MICAL2: variants seen among roughly 807,000 people sequenced by gnomAD.
MICAL2 encodes microtubule associated monooxygenase, calponin and LIM domain containing 2, also known as [F-actin]-monooxygenase MICAL2.
In MICAL2, 77 loss-of-function variants were observed where a neutral mutation model predicts 127.3. The ratio of observed to expected loss-of-function variants is 0.60; its 90% CI spans 0.50 to 0.73. The LOEUF (loss-of-function observed/expected upper bound fraction) is 0.73, where lower values mean the gene tolerates loss of function less well. Among genes scored for constraint, MICAL2 ranks in the 30% least tolerant of loss-of-function variants. The pLI is 0.00. For missense variants in MICAL2, 1,351 were observed against 1,434.4 expected, an observed-to-expected ratio of 0.94 and a Z score of 0.94; for synonymous variants, 570 against 551.1, an observed-to-expected ratio of 1.03 and a Z score of -0.48.
chr11:12,293,880 C>A, downstream of MICAL2: 1 of 1,610,294 alleles, frequency 6.2e-7, no homozygotes, highest in East Asian at 2.2e-5. Flanking sequence ...TCTCCCTTGG[C>A]TGGAGAAGAC....
At chr11:12,314,099 T>C (rs1864205218) in intron 29 of MICAL2, among the ~76,000 whole-genome samples, 1 of 151,476 alleles carries the variant, frequency 6.6e-6, no homozygotes, top group South Asian at 2.1e-4. Flanking sequence ...AAGCAACCTA[T>C]AGTTTGGGTT....
At chr11:12,214,420 G>A (rs989189745) in intron 7 of MICAL2, among the ~76,000 whole-genome samples, 1 of 151,906 alleles carries the variant, frequency 6.6e-6, no homozygotes, top group Non-Finnish European at 1.5e-5. Context: ...AGCTTAAATC[G>A]CAGTGTCCAC....
chr11:12,143,198 G>A (rs189197302), intron 2 of MICAL2, among the ~76,000 whole-genome samples: 25 of 152,314 alleles, frequency 1.6e-4, no homozygotes, highest in Non-Finnish European at 1.5e-4. Flanking sequence ...CAGAAAAGGA[G>A]GCAGACGGTT....
At chr11:12,328,600 G>A (rs1864380702) in intron 32 of MICAL2, among the ~76,000 whole-genome samples, 1 of 152,128 alleles carries the variant, frequency 6.6e-6, no homozygotes, top group African/African-American at 2.4e-5. Flanking sequence ...GTAGGGGTGT[G>A]GCTCATGAAT....
At chr11:12,188,265 A>C (rs1028876105) in intron 3 of MICAL2, among the ~76,000 whole-genome samples, 1 of 152,348 alleles carries the variant, frequency 6.6e-6, no homozygotes, top group South Asian at 2.1e-4. Context: ...TAGAATATTG[A>C]AATTAACTTC....
At chr11:12,243,065 T>C in intron 20 of MICAL2, 1 of 248,824 alleles carries the variant, frequency 4.0e-6, no homozygotes, top group Non-Finnish European at 7.6e-6. Context: ...CTAGGTATTT[T>C]CCAAGCAGGC....
chr11:12,211,540 C>T lies in MICAL2; in HGVS notation c.692-1715C>T, dbSNP rs372865432. Among the ~76,000 whole-genome samples, 44 of 152,304 alleles carry T rather than the reference C, an allele frequency of 2.9e-4. No individual in the cohort carries two copies. The East Asian group carries it at 5.6e-3, about 19-fold the overall frequency. ...GAAAGGTTATGTCTGGAGGTCTGCA[C>T]CTGTGTGACAGGCACCTGGCCTTAC... On this transcript the variant is annotated intron_variant, in intron 6 of 27. Transcript: ENST00000683283.
At chr11:12,304,410 C>T (rs1257688162) in intron 29 of MICAL2, among the ~76,000 whole-genome samples, 3 of 152,050 alleles carry the variant, frequency 2.0e-5, no homozygotes. Flanking sequence ...GCGGGCAGAT[C>T]ACCTGAGGTG....
intron 13 of MICAL2, chr11:12,225,897 A>T (rs1857373840): frequency 2.1e-6 from 1 of 482,570 alleles, no homozygotes; most frequent in South Asian, 2.9e-5. Flanking sequence ...AAAATAGCTC[A>T]TAAATGTTCC....
At chr11:12,232,030 A>G (rs1407327496) in intron 15 of MICAL2, among the ~76,000 whole-genome samples, 1 of 152,228 alleles carries the variant, frequency 6.6e-6, no homozygotes, top group Non-Finnish European at 1.5e-5. Context: ...GAGGGTAACA[A>G]CATGTACACC....
At chr11:12,178,011 G>T (rs552986725) in intron 3 of MICAL2, among the ~76,000 whole-genome samples, 1 of 152,360 alleles carries the variant, frequency 6.6e-6, no homozygotes, top group Admixed American at 6.5e-5. Flanking sequence ...GATGCTTGGT[G>T]GCTGGCAGCC....
rs761570564 is a variant in MICAL2 at position 12,224,800 on chromosome 11, C to T, written c.1668C>T (p.His556=). The T allele has an allele frequency of 6.2e-7, 1 of 1,613,462 alleles. No individual in the cohort carries two copies. Among genetic ancestry groups the T allele is most frequent in the South Asian group, 1.1e-5 (1 of 91,072 alleles). ...GGTTGGCCCTGTGTGCCATCATCCA[C>T]CGCTTCCGGCCTGAGCTCATGTGAG... ...RSGLALCAII[H]RFRPELINFD... The change falls in exon 13 of 28, where the codon CAC becomes CAT. Residue 556 remains histidine (H), a synonymous_variant. Coordinates refer to ENST00000683283, the MANE Select transcript of MICAL2 (RefSeq NM_001282663.2).
intron 1 of MICAL2, among the ~76,000 whole-genome samples, chr11:12,134,316 A>T (rs544628623): frequency 6.6e-6 from 1 of 152,214 alleles, no homozygotes; most frequent in South Asian, 2.1e-4. Context: ...TTTTTTCTGC[A>T]CCACTTCAAA....
At chr11:12,361,431 G>A (rs937973737), downstream of MICAL2, among the ~76,000 whole-genome samples, 2 of 152,132 alleles carry the variant, frequency 1.3e-5, no homozygotes, top group African/African-American at 4.8e-5. Flanking sequence ...ATACAAAGAT[G>A]AAAAGCTATT....
At chr11:12,264,470 C>T (rs1863523304), downstream of MICAL2, among the ~76,000 whole-genome samples, 1 of 152,198 alleles carries the variant, frequency 6.6e-6, no homozygotes, top group Admixed American at 6.5e-5. Context: ...GATTTGGAGC[C>T]TCACTTGGCT....
downstream of MICAL2, among the ~76,000 whole-genome samples, chr11:12,290,416 A>T (rs1019500278): frequency 6.6e-6 from 1 of 152,108 alleles, no homozygotes; most frequent in Non-Finnish European, 1.5e-5. Context: ...GGGAACAAAA[A>T]GGCAGTCTGT....
intron 1 of MICAL2, among the ~76,000 whole-genome samples, chr11:12,118,944 G>A (rs1174102585): frequency 3.3e-5 from 5 of 152,126 alleles, no homozygotes; most frequent in African/African-American, 1.2e-4. Context: ...TCCTCTGGAT[G>A]GCTTTCTGAA....
Position 12,212,089 on chromosome 11 carries a change from C to G in MICAL2, c.692-1166C>G, listed in dbSNP as rs781626562. Among the ~76,000 whole-genome samples the G allele has an allele frequency of 1.1e-4, 16 of 152,164 alleles. No homozygotes were observed. The South Asian group carries it at 2.5e-3, about 24-fold the overall frequency. ...AAAGAAGAAGTCTCGGGGTTGGCCA[C>G]TCCTGGATTCCCCAGCTCAGAACAC... is the stretch of plus-strand genomic sequence containing the variant. On this transcript the variant is annotated intron_variant, in intron 6 of 27. Transcript: ENST00000683283.
At chr11:12,259,926 G>T in intron 26 of MICAL2, 29 bp downstream of exon 26, 1 of 1,609,924 alleles carries the variant, frequency 6.2e-7, no homozygotes, top group Non-Finnish European at 8.5e-7. Flanking sequence ...TTAGGAAGGT[G>T]CTGGGCTGGC....
Sources: allele counts gnomAD v4.1 joint callset (sites outside exome capture counted in the v4.1 genomes callset), GRCh38; gene constraint gnomAD v4.1.1; transcripts MANE v1.5; gene names NCBI Gene and HGNC (gene_info 2026-07-23, HGNC 2026-07-21).